FAM135B: variants seen among roughly 807,000 people sequenced by gnomAD.
The protein encoded by FAM135B is protein FAM135B.
Under a neutral mutation model 127.7 loss-of-function variants are expected in FAM135B, and 43 were observed. That is an observed-to-expected ratio of 0.34 (90% CI 0.26 to 0.43). The LOEUF is 0.43. FAM135B is among the 20% of genes least tolerant of loss of function. The pLI is 1.00. For synonymous variants in FAM135B, 670 were observed against 665.1 expected (o/e 1.01, Z -0.11); for missense variants, 1,558 against 1,725.6 (o/e 0.90, Z 1.72).
At chr8:138,304,789 T>C (rs1389984951) in intron 3 of FAM135B, among the ~76,000 whole-genome samples, 1 of 152,152 alleles carries the variant, frequency 6.6e-6, no homozygotes, top group Non-Finnish European at 1.5e-5. Flanking sequence ...GTCACCCACG[T>C]CCCTGACAGA....
chr8:138,465,405 T>A (rs1457646968), intron 1 of FAM135B, among the ~76,000 whole-genome samples: 1 of 152,122 alleles, frequency 6.6e-6, no homozygotes, highest in South Asian at 2.1e-4. Context: ...TGTCCTAAGA[T>A]CATATGGTAA....
chr8:138,201,900 C>A (rs991574907), intron 7 of FAM135B, among the ~76,000 whole-genome samples: 18 of 151,944 alleles, frequency 1.2e-4, no homozygotes, highest in African/African-American at 4.1e-4. Flanking sequence ...CCGAGGCGGG[C>A]AGATCACAGG....
intron 1 of FAM135B, among the ~76,000 whole-genome samples, chr8:138,422,132 A>C (rs977770416): frequency 2.0e-5 from 3 of 152,216 alleles, no homozygotes; most frequent in Non-Finnish European, 4.4e-5. Context: ...AAAATGGATT[A>C]AAGACTTAAA....
At chr8:138,408,789 A>G (rs556015134) in intron 1 of FAM135B, among the ~76,000 whole-genome samples, 1 of 152,150 alleles carries the variant, frequency 6.6e-6, no homozygotes, top group South Asian at 2.1e-4. Flanking sequence ...GCATGGGGGA[A>G]ATCACCCCCA....
At chr8:138,465,782 AT>A (rs34679807) in intron 1 of FAM135B, among the ~76,000 whole-genome samples, 163 of 145,688 alleles carry the variant, frequency 1.1e-3, no homozygotes, top group African/African-American at 1.1e-3. Flanking sequence ...GTTTCACCTG[AT>A]TTTTTTTTTT....
chr8:138,406,988 G>C (rs575119514), intron 1 of FAM135B, among the ~76,000 whole-genome samples: 104 of 150,702 alleles, frequency 6.9e-4, no homozygotes, highest in African/African-American at 2.2e-3. Context: ...CAGACGACAT[G>C]ATTGTATATC....
At chr8:138,170,604 G>C (rs1285785436) in intron 11 of FAM135B, among the ~76,000 whole-genome samples, 1 of 152,170 alleles carries the variant, frequency 6.6e-6, no homozygotes, top group Non-Finnish European at 1.5e-5. Flanking sequence ...TGTGATGGTT[G>C]ATTTTGGATG....
intron 3 of FAM135B, among the ~76,000 whole-genome samples, chr8:138,300,359 C>G (rs1180594494): frequency 6.6e-6 from 1 of 152,166 alleles, no homozygotes; most frequent in African/African-American, 2.4e-5. Flanking sequence ...AGACTGCCCT[C>G]CTGCCGTTTA....
chr8:138,445,611 T>C (rs1564008745), intron 1 of FAM135B, among the ~76,000 whole-genome samples: 1 of 152,208 alleles, frequency 6.6e-6, no homozygotes, highest in Non-Finnish European at 1.5e-5. Flanking sequence ...CAACCCTTCA[T>C]GCTAAAAACT....
intron 1 of FAM135B, among the ~76,000 whole-genome samples, chr8:138,387,295 TC>T (rs1832276600): frequency 6.6e-6 from 1 of 152,190 alleles, no homozygotes; most frequent in African/African-American, 2.4e-5. Flanking sequence ...GGTCCAGGTC[TC>T]ACAAGATTAG....
At chr8:138,341,495 T>C (rs1829043517) in intron 2 of FAM135B, among the ~76,000 whole-genome samples, 1 of 149,382 alleles carries the variant, frequency 6.7e-6, no homozygotes, top group Non-Finnish European at 1.5e-5. Context: ...GTTCTGGAGA[T>C]GGATCATGGT....
intron 7 of FAM135B, among the ~76,000 whole-genome samples, chr8:138,212,277 C>G (rs955064697): frequency 1.3e-5 from 2 of 151,962 alleles, no homozygotes; most frequent in African/African-American, 2.4e-5. Context: ...TGATGGTCAT[C>G]AGGAAGAACT....
At chr8:138,390,056 T>C (rs1043461747) in intron 1 of FAM135B, among the ~76,000 whole-genome samples, 1 of 152,226 alleles carries the variant, frequency 6.6e-6, no homozygotes, top group Non-Finnish European at 1.5e-5. Context: ...TTGTTTATCT[T>C]GTTCACCATT....
chr8:138,371,405 T>A (rs1484793803), intron 1 of FAM135B, among the ~76,000 whole-genome samples: 1 of 151,642 alleles, frequency 6.6e-6, no homozygotes, highest in African/African-American at 2.4e-5. Context: ...CACACACAAA[T>A]CTTCATCACA....
intron 2 of FAM135B, among the ~76,000 whole-genome samples, chr8:138,316,806 C>G (rs577352990): frequency 6.6e-6 from 1 of 151,854 alleles, no homozygotes; most frequent in Non-Finnish European, 1.5e-5. Flanking sequence ...CGGTGAAACC[C>G]CGTCTCTACT....
chr8:138,488,571 A>AG (rs1815075327), intron 1 of FAM135B, among the ~76,000 whole-genome samples: 1 of 152,208 alleles, frequency 6.6e-6, no homozygotes, highest in Non-Finnish European at 1.5e-5. Context: ...TGTCCCAACC[A>AG]GCAGTGTAGA....
chr8:138,185,047 G>A (rs1344386284), intron 9 of FAM135B, among the ~76,000 whole-genome samples: 1 of 152,144 alleles, frequency 6.6e-6, no homozygotes, highest in Non-Finnish European at 1.5e-5. Context: ...GCTCAGAGTC[G>A]CCCTCTAGAG....
chr8:138,226,869 A>C (rs530399425), intron 7 of FAM135B, among the ~76,000 whole-genome samples: 6 of 152,006 alleles, frequency 3.9e-5, no homozygotes, highest in Non-Finnish European at 8.8e-5. Flanking sequence ...GCTAATTTTT[A>C]TATTTTTAGT....
chr8:138,466,182 G>C (rs190873815), intron 1 of FAM135B, among the ~76,000 whole-genome samples: 74 of 152,312 alleles, frequency 4.9e-4, no homozygotes, highest in Non-Finnish European at 9.3e-4. Context: ...ACCTGGAAGG[G>C]GCCTGCGGTG....
Sources: allele counts gnomAD v4.1 joint callset (sites outside exome capture counted in the v4.1 genomes callset), GRCh38; gene constraint gnomAD v4.1.1; transcripts MANE v1.5; gene names NCBI Gene and HGNC (gene_info 2026-07-23, HGNC 2026-07-21).